The following BIN2 variants were observed in gnomAD, a reference collection of about 807,000 sequenced individuals.
The protein encoded by BIN2 is breast cancer associated protein BRAP1.
A neutral mutation model predicts 67.9 loss-of-function variants in BIN2; 43 were observed. The ratio of observed to expected loss-of-function variants is 0.63; its 90% CI spans 0.50 to 0.82. The LOEUF (loss-of-function observed/expected upper bound fraction) is 0.82, where lower values mean the gene tolerates loss of function less well. Ranked by LOEUF, BIN2 falls within the 40% of genes least tolerant of loss-of-function variation. BIN2 has a pLI of 0.00. For synonymous variants in BIN2, 244 were observed against 246.8 expected (o/e 0.99, Z 0.11); for missense variants, 581 against 671.6 (o/e 0.87, Z 1.49).
chr12:51,319,719 A>C (rs989307566), intron 1 of BIN2, among the ~76,000 whole-genome samples: 1 of 152,128 alleles, frequency 6.6e-6, no homozygotes, highest in Non-Finnish European at 1.5e-5. Flanking sequence ...TTGATTATTT[A>C]TAACTTTTCT....
intron 1 of BIN2, among the ~76,000 whole-genome samples, chr12:51,315,556 T>G (rs2137436151): frequency 6.6e-6 from 1 of 152,308 alleles, no homozygotes; most frequent in Non-Finnish European, 1.5e-5. Flanking sequence ...AACTGTAAAC[T>G]GTGCATGGCT....
rs771264691 is a variant in BIN2 at position 51,299,285 on chromosome 12, C to T, written c.520G>A (p.Glu174Lys). Residue 174 changes from glutamate to lysine, a missense_variant, in exon 7 of 13, where the codon GAG (glutamate) becomes AAG (lysine). Glu to Lys is a moderately conservative substitution (Grantham distance 56). Transcript: ENST00000615107. ...KKDEAKTAKA[E>K]EEFNKAQTVF... ...GTCTGGGCTTTGTTGAACTCTTCCT[C>T]TGCCTAGGTGGTAAAAGAGACAAGA... The T allele has an allele frequency of 3.7e-6, 6 of 1,613,106 alleles. No individual in the cohort carries two copies. Among genetic ancestry groups the T allele is most frequent in the African/African-American group, 1.3e-5 (1 of 74,882 alleles).
Position 51,314,799 on chromosome 12 carries a change from C to CAA in BIN2, c.82-898_82-897dup, listed in dbSNP as rs549900834. ...GGACAACAAGAGCGAAACTCTGTCT[C>CAA]AAAAAAAAAAAAAGAAAGAAATAAG... On this transcript the variant is annotated intron_variant, in intron 1 of 12. Coordinates refer to ENST00000615107, the MANE Select transcript of BIN2 (RefSeq NM_016293.4). Among the ~76,000 whole-genome samples, 1,272 of 132,136 alleles carry CAA rather than the reference C, an allele frequency of 9.6e-3. 59 individuals are homozygous for CAA. The East Asian group carries it at 0.15, about 16-fold the overall frequency. 86.7% of individuals were successfully genotyped at this position (132,136 alleles called of 152,430 possible).
chr12:51,295,562 C>CAA (rs779588765), intron 9 of BIN2, among the ~76,000 whole-genome samples: 278 of 11,802 alleles, frequency 0.024, 8 homozygotes, highest in Non-Finnish European at 0.031. Context: ...GACTCCGTCT[C>CAA]AAAAAAAAAA....
At chr12:51,307,245 C>T (rs1362382223) in intron 2 of BIN2, among the ~76,000 whole-genome samples, 1 of 145,396 alleles carries the variant, frequency 6.9e-6, no homozygotes, top group African/African-American at 2.6e-5. Context: ...ATCGCGACAC[C>T]GTACTCTAGC....
intron 2 of BIN2, among the ~76,000 whole-genome samples, chr12:51,309,908 T>A (rs1476384488): frequency 6.6e-6 from 1 of 152,072 alleles, no homozygotes; most frequent in Non-Finnish European, 1.5e-5. Context: ...CCTTCCACAG[T>A]GGGTGTTAAC....
Position 51,324,158 on chromosome 12 carries a change from G to C in BIN2, c.-56C>G. ...GCCCCGCGCCCTGTGGTTTTCTGAG[G>C]CCCCCGAGGAGGAAGTGCGGGCTCC... On this transcript the variant is annotated 5_prime_UTR_variant, in exon 1 of 13. Coordinates refer to ENST00000615107, the MANE Select transcript of BIN2 (RefSeq NM_016293.4). 1 of 1,601,864 alleles carries C rather than the reference G, an allele frequency of 6.2e-7. No individual in the cohort carries two copies. The highest frequency in any genetic ancestry group is 1.7e-5 in the Admixed American group (1 of 58,564).
intron 1 of BIN2, among the ~76,000 whole-genome samples, chr12:51,316,450 T>G (rs1190671205): frequency 2.0e-5 from 3 of 151,900 alleles, no homozygotes; most frequent in African/African-American, 7.3e-5. Flanking sequence ...GAGCCAAGAT[T>G]GTGTCACTGC....
At chr12:51,301,696 G>A (rs555309929) in intron 5 of BIN2, among the ~76,000 whole-genome samples, 1 of 151,910 alleles carries the variant, frequency 6.6e-6, no homozygotes, top group South Asian at 2.1e-4. Context: ...TTTTTGTAGA[G>A]ATGGGATTTT....
Position 51,292,280 on chromosome 12 carries a change from T to G in BIN2, c.826A>C (p.Thr276Pro). ...AGTGTAGAGGGACTAGTAGGTGAGG[T>G]AAGAGGACTGGAGACTGTAGCTGTT... ...VRTATVSSPLTSPTSPSTLSL... is the reference protein window; with the variant it reads ...VRTATVSSPLPSPTSPSTLSL... The change falls in exon 10 of 13, where the codon ACC (threonine) becomes CCC (proline). Residue 276 changes from threonine (T) to proline (P), a missense_variant. By Grantham distance (38) the Thr-to-Pro change is conservative. Transcript: ENST00000615107. 1 of 1,601,138 alleles carries G rather than the reference T, an allele frequency of 6.2e-7. No homozygotes were observed. Among genetic ancestry groups the G allele is most frequent in the Non-Finnish European group, 8.5e-7 (1 of 1,179,892 alleles).
At chr12:51,300,115 GGCA>G (rs1365082654) in intron 5 of BIN2, among the ~76,000 whole-genome samples, 1 of 152,068 alleles carries the variant, frequency 6.6e-6, no homozygotes, top group Non-Finnish European at 1.5e-5. Context: ...TGGGATTACA[GGCA>G]GGAGCAACCG....
intron 1 of BIN2, 114 bp from the exon 2 acceptor site, chr12:51,314,017 CTTAT>C (rs138541026): frequency 0.35 from 85,448 of 242,418 alleles, 19,193 homozygotes; most frequent in Admixed American, 0.52. Context: ...AAGGGCTGTA[CTTAT>C]TTATTTATTT....
In BIN2 at chr12:51,303,118, C is replaced by T. The variant is rs781521252; in HGVS notation, c.186G>A (p.Lys62=). Residue 62 remains lysine (K), a synonymous_variant, in exon 3 of 13, where the codon AAG becomes AAA. Transcript: ENST00000615107. ...CTGCACTAAGGAAGTTCTTCAGGTCCTTGTACAGCTTGTGGCCTTCTGCCT... is the reference window on the plus strand; with the variant it reads ...CTGCACTAAGGAAGTTCTTCAGGTCTTTGTACAGCTTGTGGCCTTCTGCCT... ...QQQAEGHKLY[K]DLKNFLSAVK... is the part of the protein sequence containing the mutation. 1.9e-6 allele frequency: 3 copies of T among 1,614,150 alleles called. No individual in the cohort carries two copies. The highest frequency in any genetic ancestry group is 2.2e-5 in the South Asian group (2 of 91,078).
intron 4 of BIN2, 55 bp from the exon 5 acceptor site, chr12:51,302,170 T>C: frequency 7.4e-7 from 1 of 1,348,986 alleles, no homozygotes; most frequent in Non-Finnish European, 1.1e-6. Context: ...AACAACTGCC[T>C]ACCAGGGAAA....
At chr12:51,306,976 T>C (rs547190241) in intron 2 of BIN2, among the ~76,000 whole-genome samples, 28 of 152,202 alleles carry the variant, frequency 1.8e-4, no homozygotes, top group Non-Finnish European at 2.9e-4. Flanking sequence ...GAAAAAGTTT[T>C]GGGGATTATA....
intron 1 of BIN2, among the ~76,000 whole-genome samples, chr12:51,318,328 C>T (rs552929473): frequency 1.3e-5 from 2 of 149,716 alleles, no homozygotes; most frequent in African/African-American, 2.5e-5. Context: ...GTGATGCCAT[C>T]TCAGCTCACT....
chr12:51,322,384 T>A (rs1946307085), intron 1 of BIN2, among the ~76,000 whole-genome samples: 1 of 152,134 alleles, frequency 6.6e-6, no homozygotes, highest in Non-Finnish European at 1.5e-5. Context: ...CAATTGTATG[T>A]CTTTTATTTT....
chr12:51,312,233 C>A (rs1946015058), intron 2 of BIN2, among the ~76,000 whole-genome samples: 1 of 152,186 alleles, frequency 6.6e-6, no homozygotes, highest in East Asian at 1.9e-4. Flanking sequence ...CCTATGAAAA[C>A]CACAACCTTG....
At chr12:51,318,625 A>C (rs1946191272) in intron 1 of BIN2, among the ~76,000 whole-genome samples, 1 of 152,164 alleles carries the variant, frequency 6.6e-6, no homozygotes, top group Admixed American at 6.5e-5. Context: ...GATAAGATCA[A>C]GCATTCTGGA....
Sources: allele counts gnomAD v4.1 joint callset (sites outside exome capture counted in the v4.1 genomes callset), GRCh38; gene constraint gnomAD v4.1.1; transcripts MANE v1.5; gene names NCBI Gene and HGNC (gene_info 2026-07-23, HGNC 2026-07-21).